PARD3B: variants seen among roughly 807,000 people sequenced by gnomAD.
The protein encoded by PARD3B is partitioning defective 3 homolog B.
A neutral mutation model predicts 130.2 loss-of-function variants in PARD3B; 103 were observed. That is an observed-to-expected ratio of 0.79 (90% CI 0.67 to 0.93). The LOEUF (loss-of-function observed/expected upper bound fraction) is 0.93, where lower values mean the gene tolerates loss of function less well. PARD3B is among the 40% of genes least tolerant of loss of function. The probability of loss-of-function intolerance (pLI) is 0.00; values close to 1 mark genes in which losing one functional copy is unlikely to be tolerated. For missense variants in PARD3B, 1,609 were observed against 1,499.2 expected (o/e 1.07, Z -1.21); for synonymous variants, 583 against 553.2 (o/e 1.05, Z -0.76).
intron 2 of PARD3B, among the ~76,000 whole-genome samples, chr2:204,836,395 G>T (rs767975051): frequency 1.9e-4 from 29 of 152,116 alleles, no homozygotes; most frequent in Non-Finnish European, 3.7e-4. Context: ...GGGCATGGTG[G>T]CTCAGGCTTG....
intron 15 of PARD3B, among the ~76,000 whole-genome samples, chr2:205,202,897 C>A (rs568870426): frequency 2.6e-5 from 4 of 152,110 alleles, no homozygotes; most frequent in African/African-American, 9.6e-5. Flanking sequence ...AGTAAATTCT[C>A]CTAAAGTTAA....
At chr2:204,553,533 G>A (rs1252109455) in intron 1 of PARD3B, among the ~76,000 whole-genome samples, 1 of 105,890 alleles carries the variant, frequency 9.4e-6, no homozygotes, top group African/African-American at 3.0e-5. Context: ...TAAAGAATCT[G>A]TGGGGTGTGT....
chr2:205,000,206 A>AT (rs903893223), intron 3 of PARD3B, among the ~76,000 whole-genome samples: 2 of 152,184 alleles, frequency 1.3e-5, no homozygotes, highest in African/African-American at 2.4e-5. Context: ...CATTAACAAT[A>AT]TTCCCTTTCC....
chr2:205,432,082 A>G (rs1055136247), intron 19 of PARD3B, among the ~76,000 whole-genome samples: 4 of 152,130 alleles, frequency 2.6e-5, no homozygotes, highest in East Asian at 3.9e-4. Context: ...GTGTGTTGCA[A>G]ACTTTTCTAT....
At position 205,592,680 on chromosome 2, in the gene PARD3B, C is replaced by G. The variant is rs2054430018; in HGVS notation, c.3261-22776C>G. On this transcript the variant is annotated intron_variant, in intron 22 of 22. Coordinates refer to ENST00000406610, the MANE Select transcript of PARD3B (RefSeq NM_001302769.2). The surrounding 1 kb of genome is among the most constrained non-coding windows in gnomAD (Gnocchi z 4.5). ...TCTTACCATATAAATCTAAATCAAT[C>G]ATAACGTATATTTCTGAGATGATTA... 6.6e-6 allele frequency among the ~76,000 whole-genome samples: 1 copy of G among 152,186 alleles called. No individual in the cohort carries two copies. The highest frequency in any genetic ancestry group is 2.1e-4 in the South Asian group (1 of 4,834).
At chr2:205,232,314 A>G (rs762508738) in intron 15 of PARD3B, among the ~76,000 whole-genome samples, 13 of 152,074 alleles carry the variant, frequency 8.5e-5, no homozygotes, top group Non-Finnish European at 1.6e-4. Flanking sequence ...TTAGCCAAGC[A>G]TAGTGGCACA....
At position 205,047,675 on chromosome 2, in the gene PARD3B, G is replaced by A. The variant is rs988529807; in HGVS notation, c.489G>A (p.Leu163=). 1.0e-5 allele frequency: 16 copies of A among 1,546,980 alleles called. No homozygotes were observed. In the African/African-American group the frequency reaches 2.2e-4, roughly 21 times the overall value. ...PSASHPGGQS[L]KLVVPDSTQN... ...CTTCACACCCTGGTGGCCAGAGTCT[G>A]AAACTGGTTGTTCCAGTAGGTATCC... is the stretch of plus-strand genomic sequence containing the variant. The change falls in exon 4 of 23, where the codon CTG becomes CTA. Residue 163 remains leucine (L), a synonymous_variant. Coordinates refer to ENST00000406610, the MANE Select transcript of PARD3B (RefSeq NM_001302769.2).
intron 21 of PARD3B, among the ~76,000 whole-genome samples, chr2:205,517,522 A>G (rs1023435415): frequency 5.9e-5 from 9 of 152,040 alleles, no homozygotes; most frequent in African/African-American, 9.7e-5. Flanking sequence ...ATTTTTTTCA[A>G]AAAAACAACT....
At chr2:205,254,156 T>G (rs1205957685) in intron 16 of PARD3B, among the ~76,000 whole-genome samples, 1 of 145,486 alleles carries the variant, frequency 6.9e-6, no homozygotes, top group Non-Finnish European at 1.5e-5. Flanking sequence ...GATTATAAGC[T>G]ACCTACTTGC....
At chr2:205,346,826 A>G in intron 18 of PARD3B, among the ~76,000 whole-genome samples, 1 of 152,148 alleles carries the variant, frequency 6.6e-6, no homozygotes, top group South Asian at 2.1e-4. Context: ...CTATGTGTTG[A>G]TGACTTCACA....
chr2:205,255,776 A>C (rs1216530345), intron 16 of PARD3B, among the ~76,000 whole-genome samples: 1 of 152,134 alleles, frequency 6.6e-6, no homozygotes, highest in African/African-American at 2.4e-5. Context: ...AGGTTCTAGG[A>C]GCTTCCATGC....
intron 1 of PARD3B, among the ~76,000 whole-genome samples, chr2:204,632,066 T>G (rs1257162188): frequency 6.6e-6 from 1 of 151,640 alleles, no homozygotes; most frequent in African/African-American, 2.4e-5. Context: ...TGTGGGGAGG[T>G]GACTGGATCA....
chr2:205,558,191 G>C lies in PARD3B; in HGVS notation c.3260+4788G>C, dbSNP rs752673153. On this transcript the variant is annotated intron_variant, in intron 22 of 22. Coordinates refer to ENST00000406610, the MANE Select transcript of PARD3B (RefSeq NM_001302769.2). The surrounding 1 kb of genome is among the most constrained non-coding windows in gnomAD (Gnocchi z 4.8). The stretch of plus-strand genomic sequence containing the variant: ...AGCATGCTGACTTGGCTCTAGGCAA[G>C]AGGCCAGGGCTCCTGTCCAGCAAGA... Among the ~76,000 whole-genome samples, 14 of 152,164 alleles carry C rather than the reference G, an allele frequency of 9.2e-5. No homozygotes were observed. Among genetic ancestry groups the C allele is most frequent in the Non-Finnish European group, 1.3e-4 (9 of 68,040 alleles).
intron 2 of PARD3B, among the ~76,000 whole-genome samples, chr2:204,702,944 G>T (rs976632791): frequency 2.4e-4 from 37 of 152,114 alleles, no homozygotes; most frequent in Admixed American, 2.4e-3. Flanking sequence ...TGTGAAAACT[G>T]TTATTGTTGA....
chr2:204,736,479 T>C, intron 2 of PARD3B, among the ~76,000 whole-genome samples: 1 of 152,122 alleles, frequency 6.6e-6, no homozygotes, highest in East Asian at 1.9e-4. Context: ...TCTGCATGCC[T>C]TTGCGTACTC....
chr2:204,721,603 T>C (rs2039000357), intron 2 of PARD3B, among the ~76,000 whole-genome samples: 1 of 152,210 alleles, frequency 6.6e-6, no homozygotes, highest in African/African-American at 2.4e-5. Context: ...AATATTTCGA[T>C]GGCAAAGACA....
intron 20 of PARD3B, among the ~76,000 whole-genome samples, chr2:205,482,058 C>T (rs2049256905): frequency 6.6e-6 from 1 of 152,040 alleles, no homozygotes; most frequent in Non-Finnish European, 1.5e-5. Flanking sequence ...TGAGGACCTG[C>T]CCCATGCGAG....
At chr2:204,716,356 A>C (rs912240623) in intron 2 of PARD3B, among the ~76,000 whole-genome samples, 2 of 152,070 alleles carry the variant, frequency 1.3e-5, no homozygotes, top group Non-Finnish European at 2.9e-5. Flanking sequence ...TCTGCATTGT[A>C]ACAATAACCC....
chr2:205,296,911 GGCC>G (rs2041818593), intron 16 of PARD3B, among the ~76,000 whole-genome samples: 7 of 150,158 alleles, frequency 4.7e-5, no homozygotes, highest in Admixed American at 4.6e-4. Flanking sequence ...TTTTTAATGA[GGCC>G]ACAATTTTAA....
Sources: gnomAD v4.1 joint callset for allele counts (sites outside exome capture counted in the v4.1 genomes callset) on GRCh38, gnomAD v4.1.1 for gene constraint, Gnocchi (gnomAD v3.1) non-coding constraint, MANE v1.5 for transcripts, NCBI Gene and HGNC (gene_info 2026-07-23, HGNC 2026-07-21) for gene names.